PSD2: variants seen among roughly 807,000 people sequenced by gnomAD.
PSD2 encodes the protein pleckstrin and Sec7 domain containing 2, also known as PH and SEC7 domain-containing protein 2.
PSD2 carries 38 observed loss-of-function variants against 69.8 expected under a neutral mutation model. That is an observed-to-expected ratio of 0.54 (90% CI 0.42 to 0.71). The LOEUF (loss-of-function observed/expected upper bound fraction) is 0.71. Among genes scored for constraint, PSD2 ranks in the 30% least tolerant of loss-of-function variants. PSD2 has a pLI of 0.00. For synonymous variants in PSD2, 412 were observed against 423.0 expected, an observed-to-expected ratio of 0.97 and a Z score of 0.32; for missense variants, 943 against 1,014.5, an observed-to-expected ratio of 0.93 and a Z score of 0.96.
In PSD2 at chr5:139,842,388, C is replaced by T. The variant is rs151005391; in HGVS notation, c.2230C>T (p.Arg744Trp). 24 of 1,614,042 alleles carry T rather than the reference C, an allele frequency of 1.5e-5. No homozygotes were observed. The highest frequency in any genetic ancestry group is 3.3e-5 in the Admixed American group (2 of 60,004). Residue 744 changes from arginine to tryptophan, a missense_variant, in exon 15 of 15, where the codon CGG becomes TGG. This residue lies in a region of PSD2 where 165 missense variants were observed against 168.8 expected (regional missense o/e 0.98). Transcript: ENST00000274710. ...ATLEGDDPSL[R>W]KTHSSPALSQ... ...TCTGGAAGGGGATGACCCTTCTCTC[C>T]GGAAGACACATTCAAGCCCTGCCCT...
At chr5:139,802,407 A>G (rs1390109847) in intron 1 of PSD2, among the ~76,000 whole-genome samples, 1 of 151,818 alleles carries the variant, frequency 6.6e-6, no homozygotes, top group Non-Finnish European at 1.5e-5. Flanking sequence ...CAGGTGTTGT[A>G]TCCGAGGCTG....
the PSD2 span, among the ~76,000 whole-genome samples, chr5:139,766,973 C>CTTT: frequency 1.4e-5 from 2 of 138,358 alleles, no homozygotes; most frequent in African/African-American, 2.8e-5. Flanking sequence ...TTCTTTCTTT[C>CTTT]TTTCTTTCTT....
chr5:139,833,759 G>C lies in PSD2; in HGVS notation c.1327G>C (p.Asp443His). 1.9e-6 allele frequency: 3 copies of C among 1,614,082 alleles called. No individual in the cohort carries two copies. The highest frequency in any genetic ancestry group is 2.5e-6 in the Non-Finnish European group (3 of 1,179,948). The stretch of plus-strand genomic sequence containing the variant: ...CATTGCCAACTTGGACCAGCTGAAT[G>C]ATGGCCAAGACTTTGCCAAAGACCT... The part of the protein sequence containing the change: ...QFIANLDQLN[D>H]GQDFAKDLLK... The change falls in exon 8 of 15, where the codon GAT (aspartate) becomes CAT (histidine). Residue 443 changes from aspartate (D) to histidine (H), a missense_variant. Asp to His is a moderately conservative substitution (Grantham distance 81, BLOSUM62 -1). Coordinates refer to ENST00000274710, the MANE Select transcript of PSD2 (RefSeq NM_032289.4).
the PSD2 span, among the ~76,000 whole-genome samples, chr5:139,759,502 C>T: frequency 3.9e-5 from 6 of 152,120 alleles, no homozygotes; most frequent in Non-Finnish European, 5.9e-5. Context: ...GGCTCCCTGA[C>T]GAAATCGTCC....
At chr5:139,830,557 C>CCTTCCTTT (rs1760553047) in intron 7 of PSD2, among the ~76,000 whole-genome samples, 1 of 132,990 alleles carries the variant, frequency 7.5e-6, no homozygotes, top group South Asian at 2.4e-4. Flanking sequence ...TTCCTTCCTT[C>CCTTCCTTT]CTTCCTTCCT....
the PSD2 span, among the ~76,000 whole-genome samples, chr5:139,756,671 T>C: frequency 1.3e-5 from 2 of 152,160 alleles, no homozygotes; most frequent in Non-Finnish European, 2.9e-5. Context: ...GGGATTCTTC[T>C]GGCTGGGCGA....
At chr5:139,797,092 G>A (rs74515683) in intron 1 of PSD2, among the ~76,000 whole-genome samples, 8 of 152,206 alleles carry the variant, frequency 5.3e-5, no homozygotes, top group African/African-American at 1.4e-4. Context: ...AGTTGCAGTC[G>A]TTCTTTCATT....
chr5:139,744,471 C>A, the PSD2 span, among the ~76,000 whole-genome samples: 1 of 152,194 alleles, frequency 6.6e-6, no homozygotes, highest in Admixed American at 6.5e-5. Flanking sequence ...GCTAGCTCCC[C>A]CCATGCCCCT....
rs186523332 is a variant in PSD2, at chr5:139,842,619, T to C, written c.*145T>C. The C allele has an allele frequency of 9.2e-5, 64 of 694,654 alleles. No individual in the cohort carries two copies. The highest frequency in any genetic ancestry group is 8.1e-4 in the Middle Eastern group (2 of 2,458). 43.0% of individuals were successfully genotyped at this position (694,654 alleles called of 1,614,324 possible). On this transcript the variant is annotated 3_prime_UTR_variant, in exon 15 of 15. Transcript: ENST00000274710. ...GCAGAAAGCCTGTGGGCCCAGGAGA[T>C]GGAGATGCCGTTTGTGGCGTTGATC...
the PSD2 span, among the ~76,000 whole-genome samples, chr5:139,763,055 T>C: frequency 6.6e-6 from 1 of 152,080 alleles, no homozygotes; most frequent in Non-Finnish European, 1.5e-5. Context: ...TAGGCTAACC[T>C]TGTTGGGTGA....
chr5:139,759,297 C>T, the PSD2 span, among the ~76,000 whole-genome samples: 2 of 151,964 alleles, frequency 1.3e-5, no homozygotes, highest in East Asian at 1.9e-4. Flanking sequence ...CCACCGCCCG[C>T]GCGCGCTCTC....
the PSD2 span, among the ~76,000 whole-genome samples, chr5:139,761,352 C>T: frequency 1.3e-5 from 2 of 152,178 alleles, no homozygotes; most frequent in Non-Finnish European, 2.9e-5. Context: ...TTTCCTGTCT[C>T]CCAGAAATCA....
the PSD2 span, among the ~76,000 whole-genome samples, chr5:139,784,671 C>T: frequency 6.6e-6 from 1 of 152,168 alleles, no homozygotes; most frequent in South Asian, 2.1e-4. Context: ...CATGAACATG[C>T]CCAGCATATT....
At chr5:139,822,146 C>A in intron 6 of PSD2, 141 bp downstream of exon 6, 1 of 546,570 alleles carries the variant, frequency 1.8e-6, no homozygotes, top group Non-Finnish European at 3.3e-6. Context: ...AGTAGGTGCT[C>A]AATGAATGCT....
chr5:139,789,920 C>T, the PSD2 span, among the ~76,000 whole-genome samples: 2 of 150,092 alleles, frequency 1.3e-5, no homozygotes, highest in Non-Finnish European at 3.0e-5. Context: ...TGGAAGAGAG[C>T]GCTGAAGGAA....
At chr5:139,762,017 G>C in the PSD2 span, among the ~76,000 whole-genome samples, 12 of 152,176 alleles carry the variant, frequency 7.9e-5, no homozygotes, top group Non-Finnish European at 1.6e-4. Context: ...CTGACAGATA[G>C]TAAGCATTCA....
At chr5:139,745,899 A>G in the PSD2 span, among the ~76,000 whole-genome samples, 1 of 152,182 alleles carries the variant, frequency 6.6e-6, no homozygotes, top group South Asian at 2.1e-4. Context: ...CGACACCGCC[A>G]GGTTTACCTG....
chr5:139,751,790 CTTT>C, the PSD2 span, among the ~76,000 whole-genome samples: 8 of 120,384 alleles, frequency 6.6e-5, no homozygotes, highest in African/African-American at 2.7e-4. Context: ...AGGGTCCAGC[CTTT>C]TTTTTTTTTT....
At chr5:139,789,752 C>T in the PSD2 span, among the ~76,000 whole-genome samples, 12 of 152,040 alleles carry the variant, frequency 7.9e-5, no homozygotes, top group Non-Finnish European at 1.6e-4. Flanking sequence ...AGCCTATGGC[C>T]TAGTGATGGC....
Sources: gnomAD v4.1 joint callset for allele counts (sites outside exome capture counted in the v4.1 genomes callset) on GRCh38, gnomAD v4.1.1 for gene constraint, gnomAD v4.1.1 regional missense constraint, MANE v1.5 for transcripts, NCBI Gene and HGNC (gene_info 2026-07-23, HGNC 2026-07-21) for gene names.